MYO7A: variants seen among roughly 807,000 people sequenced by gnomAD.
MYO7A encodes unconventional myosin-VIIa.
MYO7A carries 210 observed loss-of-function variants against 263.8 expected under a neutral mutation model. The ratio of observed to expected loss-of-function variants is 0.80; its 90% CI spans 0.71 to 0.89. The LOEUF (loss-of-function observed/expected upper bound fraction) is 0.89. MYO7A is among the 40% of genes least tolerant of loss of function. The pLI is 0.00. For missense variants in MYO7A, 2,820 were observed against 2,968.3 expected, an observed-to-expected ratio of 0.95 and a Z score of 1.16; for synonymous variants, 1,239 against 1,197.3, an observed-to-expected ratio of 1.03 and a Z score of -0.72.
intron 16 of MYO7A, 21 bp downstream of exon 16, chr11:77,172,906 G>C (rs374194185): frequency 1.9e-6 from 3 of 1,539,780 alleles, no homozygotes; most frequent in Non-Finnish European, 2.6e-6. Context: ...CTGGCCTGGG[G>C]TTGGCGGGTG....
chr11:77,167,650 C>T (rs1350556695), intron 15 of MYO7A, among the ~76,000 whole-genome samples: 4 of 152,138 alleles, frequency 2.6e-5, no homozygotes, highest in Non-Finnish European at 5.9e-5. Flanking sequence ...AACCCCTTTG[C>T]CTCCTTTTCT....
intron 48 of MYO7A, among the ~76,000 whole-genome samples, 158 bp downstream of exon 48, chr11:77,214,137 C>G (rs959081002): frequency 6.6e-6 from 1 of 152,200 alleles, no homozygotes; most frequent in Non-Finnish European, 1.5e-5. Flanking sequence ...TGAGGCTCAG[C>G]TTAGGTCTGG....
intron 31 of MYO7A, 81 bp downstream of exon 31, chr11:77,192,359 T>C: frequency 1.4e-6 from 2 of 1,405,016 alleles, no homozygotes; most frequent in Non-Finnish European, 2.0e-6. Flanking sequence ...TGCTCCTCTG[T>C]GAGCCATCAT....
At chr11:77,157,616 G>A (rs1021838679) in intron 8 of MYO7A, among the ~76,000 whole-genome samples, 3 of 152,130 alleles carry the variant, frequency 2.0e-5, no homozygotes, top group Non-Finnish European at 4.4e-5. Context: ...GGCTTGGGAA[G>A]CACCACTCCT....
chr11:77,159,580 T>TA lies in MYO7A; in HGVS notation c.1080+59dup, dbSNP rs1466913197. On this transcript the variant is annotated intron_variant, in intron 10 of 48. Transcript: ENST00000409709. The stretch of plus-strand genomic sequence containing the variant: ...TTCTGTCCCTCTGAAGGGTTGAGTT[T>TA]AAGCTCATTGGGGGCTGGGATGTAG... 6 of 1,548,002 alleles carry TA rather than the reference T, an allele frequency of 3.9e-6. No homozygotes were observed. In the African/African-American group the frequency reaches 6.8e-5, roughly 18 times the overall value.
chr11:77,169,646 G>A (rs546323375), intron 15 of MYO7A, among the ~76,000 whole-genome samples: 1 of 152,296 alleles, frequency 6.6e-6, no homozygotes, highest in Admixed American at 6.5e-5. Context: ...CAGAAACCCA[G>A]ATGGCTACCT....
At chr11:77,149,739 G>A (rs1951836624) in intron 4 of MYO7A, among the ~76,000 whole-genome samples, 1 of 152,162 alleles carries the variant, frequency 6.6e-6, no homozygotes, top group Admixed American at 6.5e-5. Context: ...TTGGGCATAG[G>A]AAGTGGCTTT....
rs1301904466 is a variant in MYO7A, at chr11:77,162,235, A to G, written c.1459A>G (p.Ile487Val). Residue 487 changes from isoleucine to valine, a missense_variant, in exon 13 of 49, where the codon ATC becomes GTC. Physicochemically the swap from Ile to Val is conservative, Grantham distance 29. Transcript: ENST00000409709. ...CCTGGAGAGCATTGACTGGCTGCAC[A>G]TCGAGTTCACTGACAACCAGGATGC... Reference protein sequence around the residue: ...YDLESIDWLHIEFTDNQDALD... With the variant: ...YDLESIDWLHVEFTDNQDALD... 4.5e-6 allele frequency: 7 copies of G among 1,570,958 alleles called. No individual in the cohort carries two copies. The highest frequency in any genetic ancestry group is 2.3e-5 in the East Asian group (1 of 42,708).
At chr11:77,204,562 C>T (rs1269762922) in intron 39 of MYO7A, among the ~76,000 whole-genome samples, 1 of 152,244 alleles carries the variant, frequency 6.6e-6, no homozygotes, top group Non-Finnish European at 1.5e-5. Flanking sequence ...AGTCAAGTGT[C>T]CCCTCCCTGG....
chr11:77,214,775 T>A lies in MYO7A; in HGVS notation c.*79T>A, dbSNP rs1020484909. 8 of 1,205,522 alleles carry A rather than the reference T, an allele frequency of 6.6e-6. No homozygotes were observed. The highest frequency in any genetic ancestry group is 8.3e-6 in the Non-Finnish European group (7 of 845,000). 74.7% of individuals were successfully genotyped at this position (1,205,522 alleles called of 1,614,324 possible). A position where few individuals can be genotyped will look rare whatever the true frequency, so the allele number is the denominator to read the frequency against. On this transcript the variant is annotated 3_prime_UTR_variant, in exon 49 of 49. Transcript: ENST00000409709. ...CAGGCCCATCAGCTACCCCTGCAGC[T>A]GGGGAAGACTTATGCCATCCCGGCA...
intron 2 of MYO7A, among the ~76,000 whole-genome samples, chr11:77,135,903 C>T (rs1278767350): frequency 2.0e-5 from 3 of 152,088 alleles, no homozygotes; most frequent in Non-Finnish European, 2.9e-5. Flanking sequence ...ATGTCTATTT[C>T]AGTCCTATGC....
intron 14 of MYO7A, 139 bp downstream of exon 14, chr11:77,163,127 A>G: frequency 1.1e-6 from 1 of 912,262 alleles, no homozygotes; most frequent in South Asian, 2.1e-5. Flanking sequence ...TATGAACTTG[A>G]CTAAAATGGC....
chr11:77,182,286 T>G (rs1955299669), intron 24 of MYO7A, 132 bp downstream of exon 24: 1 of 1,434,476 alleles, frequency 7.0e-7, no homozygotes, highest in African/African-American at 1.4e-5. Context: ...CTGACTATAG[T>G]CTTCACTGCG....
chr11:77,201,733 C>A, intron 36 of MYO7A, 95 bp downstream of exon 36: 1 of 1,324,942 alleles, frequency 7.5e-7, no homozygotes, highest in Non-Finnish European at 1.0e-6. Flanking sequence ...CGGTCTAGTG[C>A]ATCTGTGAAG....
rs546780675 is a variant in MYO7A at position 77,161,185 on chromosome 11, C to T, written c.1343+70C>T. ...GGAAATAAGAAATATCACGTCTCTC[C>T]CTTGCGAAGCACATTTAGTTGGCTC... On this transcript the variant is annotated intron_variant, in intron 12 of 48. Coordinates refer to ENST00000409709, the MANE Select transcript of MYO7A (RefSeq NM_000260.4). 285 of 1,581,500 alleles carry T rather than the reference C, an allele frequency of 1.8e-4. 3 individuals are homozygous for T. The highest frequency in any genetic ancestry group is 1.7e-3 in the South Asian group (152 of 87,696).
intron 32 of MYO7A, among the ~76,000 whole-genome samples, chr11:77,195,533 C>G (rs1289476244): frequency 2.0e-5 from 3 of 152,230 alleles, no homozygotes; most frequent in African/African-American, 7.2e-5. Flanking sequence ...ATGGTACGTC[C>G]TGGGTGGGGT....
chr11:77,186,339 T>G (rs1641294955), intron 27 of MYO7A, among the ~76,000 whole-genome samples: 1 of 152,330 alleles, frequency 6.6e-6, no homozygotes, highest in Non-Finnish European at 1.5e-5. Flanking sequence ...TTTTGAAGCC[T>G]TGAAGCCAGC....
Position 77,161,014 on chromosome 11 carries a change from C to G in MYO7A, c.1242C>G (p.Ile414Met). Residue 414 changes from isoleucine to methionine, a missense_variant, in exon 12 of 49, where the codon ATC becomes ATG. By Grantham distance (10) the Ile-to-Met change is conservative. Coordinates refer to ENST00000409709, the MANE Select transcript of MYO7A (RefSeq NM_000260.4). Reference protein sequence around the residue: ...GRLFVWIVDKINAAIYKPPSQ... With the variant: ...GRLFVWIVDKMNAAIYKPPSQ... Reference sequence around the variant, plus strand: ...TGTTCGTGTGGATTGTGGACAAGATCAACGCAGCAATTTACAAGCCTCCCT... The same window carrying G: ...TGTTCGTGTGGATTGTGGACAAGATGAACGCAGCAATTTACAAGCCTCCCT... The G allele has an allele frequency of 6.2e-7, 1 of 1,612,822 alleles. No individual in the cohort carries two copies. Among genetic ancestry groups the G allele is most frequent in the Non-Finnish European group, 8.5e-7 (1 of 1,179,488 alleles).
At chr11:77,175,989 G>A (rs944117635) in intron 18 of MYO7A, among the ~76,000 whole-genome samples, 3 of 152,232 alleles carry the variant, frequency 2.0e-5, no homozygotes, top group East Asian at 3.9e-4. Flanking sequence ...TGCGGGAGTC[G>A]CGGAGTCACA....
Sources: allele counts gnomAD v4.1 joint callset (sites outside exome capture counted in the v4.1 genomes callset), GRCh38; gene constraint gnomAD v4.1.1; transcripts MANE v1.5; gene names NCBI Gene and HGNC (gene_info 2026-07-23, HGNC 2026-07-21).